RTN4: variants seen among roughly 807,000 people sequenced by gnomAD.
RTN4 encodes reticulon-4.
A neutral mutation model predicts 90.4 loss-of-function variants in RTN4; 32 were observed. The ratio of observed to expected loss-of-function variants is 0.35; its 90% CI spans 0.27 to 0.48. The LOEUF (loss-of-function observed/expected upper bound fraction) is 0.48. RTN4 is among the 20% of genes least tolerant of loss of function. The pLI is 0.99. For synonymous variants in RTN4, 629 were observed against 552.5 expected, an observed-to-expected ratio of 1.14 and a Z score of -1.94; for missense variants, 1,706 against 1,430.2, an observed-to-expected ratio of 1.19 and a Z score of -3.11.
At chr2:55,103,826 C>G (rs1473101509) in intron 1 of RTN4, among the ~76,000 whole-genome samples, 2 of 151,618 alleles carry the variant, frequency 1.3e-5, no homozygotes, top group African/African-American at 4.9e-5. Context: ...TCCCAAGTAG[C>G]TAGAATTACA....
At chr2:55,044,228 T>A (rs2972082) in intron 1 of RTN4, among the ~76,000 whole-genome samples, 126,885 of 151,738 alleles carry the variant, frequency 0.84, 53,348 homozygotes, top group Middle Eastern at 0.93. Context: ...AAAGTTTTTT[T>A]AAAAAATTTT....
chr2:55,032,971 C>G (rs1573436184), intron 1 of RTN4, among the ~76,000 whole-genome samples: 1 of 150,738 alleles, frequency 6.6e-6, no homozygotes, highest in African/African-American at 2.4e-5. Context: ...GAGGCTGTAA[C>G]AAGCCATGAT....
intron 1 of RTN4, among the ~76,000 whole-genome samples, chr2:55,043,038 A>T (rs144084900): frequency 3.8e-4 from 58 of 152,270 alleles, no homozygotes; most frequent in African/African-American, 1.2e-3. Flanking sequence ...GAAATTATCA[A>T]CTCCTCCTTT....
the RTN4 span, among the ~76,000 whole-genome samples, chr2:55,122,134 C>G: frequency 1.3e-5 from 2 of 151,832 alleles, no homozygotes; most frequent in African/African-American, 2.4e-5. Context: ...GGTAGGGGCC[C>G]CCTCTAGATA....
rs550971604 is a variant in RTN4 at position 54,974,711 on chromosome 2, C to G, written c.3414G>C (p.Leu1138=). The part of the protein sequence containing the change: ...FTYVGALFNG[L]TLLILALISL... ...TAGACTTACCCAAAATCAGTAGTGT[C>G]AGACCATTAAACAAGGCACCAACAT... Residue 1138 remains leucine (L), a synonymous_variant, in exon 6 of 9, where the codon CTG becomes CTC. Coordinates refer to ENST00000337526, the MANE Select transcript of RTN4 (RefSeq NM_020532.5). 11 of 1,613,850 alleles carry G rather than the reference C, an allele frequency of 6.8e-6. No individual in the cohort carries two copies. The African/African-American group carries it at 1.5e-4, about 22-fold the overall frequency.
At chr2:55,073,309 T>A (rs1034559002) in intron 2 of RTN4, among the ~76,000 whole-genome samples, 3 of 152,292 alleles carry the variant, frequency 2.0e-5, no homozygotes, top group African/African-American at 7.2e-5. Flanking sequence ...AATTTTATCA[T>A]CCAATGTGCA....
chr2:55,017,679 A>C (rs1228129769), intron 3 of RTN4, among the ~76,000 whole-genome samples: 1 of 152,214 alleles, frequency 6.6e-6, no homozygotes, highest in South Asian at 2.1e-4. Flanking sequence ...ACCTTTCTGT[A>C]CCAATGGCCT....
At chr2:55,126,881 T>C in the RTN4 span, among the ~76,000 whole-genome samples, 2 of 152,130 alleles carry the variant, frequency 1.3e-5, no homozygotes, top group Non-Finnish European at 2.9e-5. Flanking sequence ...TGCAGCAACA[T>C]GGATGCAGCT....
chr2:55,015,379 A>C (rs1169525351), intron 3 of RTN4, among the ~76,000 whole-genome samples: 1 of 152,232 alleles, frequency 6.6e-6, no homozygotes, highest in African/African-American at 2.4e-5. Context: ...AATTAAAACT[A>C]TAAGTAAATA....
intron 1 of RTN4, among the ~76,000 whole-genome samples, chr2:55,086,452 G>A (rs1668839694): frequency 6.6e-6 from 1 of 151,460 alleles, no homozygotes; most frequent in Non-Finnish European, 1.5e-5. Flanking sequence ...TTTGTGCCCA[G>A]GAATTCAAGA....
chr2:54,995,489 C>T (rs1679349089), intron 3 of RTN4, among the ~76,000 whole-genome samples: 1 of 152,072 alleles, frequency 6.6e-6, no homozygotes, highest in South Asian at 2.1e-4. Flanking sequence ...TCTCTAAGTG[C>T]CTTCATACTG....
At position 54,972,439 on chromosome 2, in the gene RTN4, T is replaced by G. The variant is rs1376328930; in HGVS notation, c.*717A>C. On this transcript the variant is annotated 3_prime_UTR_variant, in exon 9 of 9. Coordinates refer to ENST00000337526, the MANE Select transcript of RTN4 (RefSeq NM_020532.5). Reference sequence around the variant, plus strand: ...GAAATTGATGTTGGAGTTCTATGTGTGTGGCATTTCATGTTGAAAACAGAT... The same window carrying G: ...GAAATTGATGTTGGAGTTCTATGTGGGTGGCATTTCATGTTGAAAACAGAT... 1 of 152,644 alleles carries G rather than the reference T, an allele frequency of 6.6e-6. No individual in the cohort carries two copies. Among genetic ancestry groups the G allele is most frequent in the African/African-American group, 2.4e-5 (1 of 41,458 alleles). 9.5% of individuals were successfully genotyped at this position (152,644 alleles called of 1,614,324 possible). A position where few individuals can be genotyped will look rare whatever the true frequency, so the allele number is the denominator to read the frequency against.
the RTN4 span, among the ~76,000 whole-genome samples, chr2:55,122,905 T>C: frequency 1.3e-5 from 2 of 152,364 alleles, no homozygotes; most frequent in East Asian, 3.9e-4. Flanking sequence ...ACCTGGTTGT[T>C]AAATTAGTTA....
chr2:55,007,204 G>A (rs995386841), intron 3 of RTN4, among the ~76,000 whole-genome samples: 1 of 152,034 alleles, frequency 6.6e-6, no homozygotes, highest in African/African-American at 2.4e-5. Flanking sequence ...CAAATGCCAA[G>A]TATTCCTTCC....
At chr2:55,106,526 A>G (rs1667946994) in intron 1 of RTN4, among the ~76,000 whole-genome samples, 1 of 151,854 alleles carries the variant, frequency 6.6e-6, no homozygotes, top group African/African-American at 2.4e-5. Flanking sequence ...TATTTATTAA[A>G]CTTTTTTTTT....
intron 1 of RTN4, among the ~76,000 whole-genome samples, chr2:55,102,976 G>C (rs894545765): frequency 4.6e-5 from 7 of 151,650 alleles, no homozygotes; most frequent in African/African-American, 1.7e-4. Context: ...AAATAAGCCG[G>C]GCATGGTGAC....
intron 3 of RTN4, among the ~76,000 whole-genome samples, chr2:54,993,139 C>G (rs531635430): frequency 6.6e-6 from 1 of 150,618 alleles, no homozygotes; most frequent in Non-Finnish European, 1.5e-5. Flanking sequence ...AGTATATCTA[C>G]TAAGCAGTGT....
upstream of RTN4, chr2:55,112,748 C>A (rs906133650): frequency 6.6e-6 from 1 of 152,282 alleles, no homozygotes; most frequent in African/African-American, 2.4e-5. Flanking sequence ...CCAATTGTAT[C>A]ATCAAAAGAG....
intron 1 of RTN4, among the ~76,000 whole-genome samples, chr2:55,090,173 A>T (rs905954997): frequency 2.0e-5 from 3 of 152,184 alleles, no homozygotes; most frequent in African/African-American, 7.2e-5. Context: ...GAGTGGAGAC[A>T]GCTGAATTCC....
Sources: gnomAD v4.1 joint callset for allele counts (sites outside exome capture counted in the v4.1 genomes callset) on GRCh38, gnomAD v4.1.1 for gene constraint, MANE v1.5 for transcripts, NCBI Gene and HGNC (gene_info 2026-07-23, HGNC 2026-07-21) for gene names.